Variants in GLB1L3 observed in about 807,000 individuals in gnomAD.
The protein encoded by GLB1L3 is galactosidase beta 1 like 3.
In GLB1L3, 89 loss-of-function variants were observed where a neutral mutation model predicts 89.5. That is an observed-to-expected ratio of 0.99 (90% CI 0.84 to 1.19). The LOEUF is 1.19. Ranked by LOEUF, GLB1L3 falls within the 50% of genes most tolerant of loss-of-function variation. The pLI, the probability that GLB1L3 is intolerant of heterozygous loss-of-function variation, is 0.00. For missense variants in GLB1L3, 812 were observed against 813.3 expected, an observed-to-expected ratio of 1.00 and a Z score of 0.02; for synonymous variants, 314 against 312.3, an observed-to-expected ratio of 1.01 and a Z score of -0.06.
chr11:134,312,493 G>T lies in GLB1L3; in HGVS notation c.1428+4G>T, dbSNP rs780409145. The T allele has an allele frequency of 1.9e-6, 3 of 1,610,600 alleles. No individual in the cohort carries two copies. The South Asian group carries it at 3.3e-5, about 18-fold the overall frequency. ...CCACGCTCATGACGTGGCACAGGTA[G>T]GGCCAGCAGGCTGTCTGTGTGGGAA... On this transcript the variant is annotated splice_donor_region_variant and intron_variant, in intron 14 of 19. Coordinates refer to ENST00000431683, the MANE Select transcript of GLB1L3 (RefSeq NM_001080407.3).
At chr11:134,293,325 T>C in intron 9 of GLB1L3, 116 bp downstream of exon 9, 1 of 855,642 alleles carries the variant, frequency 1.2e-6, no homozygotes, top group Non-Finnish European at 1.8e-6. Flanking sequence ...GTTTTCACCC[T>C]GGGTCCTCGG....
the GLB1L3 span, among the ~76,000 whole-genome samples, chr11:134,325,005 T>A: frequency 6.6e-6 from 1 of 152,182 alleles, no homozygotes; most frequent in Non-Finnish European, 1.5e-5. Context: ...AAAGAGGATA[T>A]CATATTCTTC....
chr11:134,285,065 A>T (rs1324379941), intron 6 of GLB1L3, among the ~76,000 whole-genome samples: 2 of 151,350 alleles, frequency 1.3e-5, no homozygotes, highest in South Asian at 2.1e-4. Flanking sequence ...AGTAGCTGGG[A>T]CTACAGGTGC....
intron 9 of GLB1L3, among the ~76,000 whole-genome samples, chr11:134,304,415 A>G (rs576219707): frequency 6.6e-6 from 1 of 152,146 alleles, no homozygotes; most frequent in Non-Finnish European, 1.5e-5. Flanking sequence ...ATGTTAAAAA[A>G]TTTTTTTATT....
At chr11:134,288,053 G>A (rs1941120368) in intron 6 of GLB1L3, among the ~76,000 whole-genome samples, 1 of 152,188 alleles carries the variant, frequency 6.6e-6, no homozygotes, top group African/African-American at 2.4e-5. Flanking sequence ...CCAAGGAGAA[G>A]GAAATGCATC....
chr11:134,288,182 G>A (rs1044322031), intron 6 of GLB1L3, among the ~76,000 whole-genome samples: 1 of 152,348 alleles, frequency 6.6e-6, no homozygotes, highest in Non-Finnish European at 1.5e-5. Context: ...AAGGGAGTTT[G>A]AGGAGTGAGT....
chr11:134,290,610 G>T (rs11500922), intron 7 of GLB1L3, among the ~76,000 whole-genome samples: 1 of 140,442 alleles, frequency 7.1e-6, no homozygotes, highest in Non-Finnish European at 1.5e-5. Flanking sequence ...AAAAGAAAAA[G>T]AAAAAAAAAC....
Position 134,288,862 on chromosome 11 carries a change from A to T in GLB1L3, c.701A>T (p.Asp234Val). The T allele has an allele frequency of 6.2e-7, 1 of 1,613,026 alleles. No individual in the cohort carries two copies. Among genetic ancestry groups the T allele is most frequent in the Non-Finnish European group, 8.5e-7 (1 of 1,179,450 alleles). The change falls in exon 7 of 20, where the codon GAT (aspartate) becomes GTT (valine). Residue 234 changes from aspartate (D) to valine (V), a missense_variant. By Grantham distance (152) the Asp-to-Val change is radical (BLOSUM62 -3). Around this residue, in one of 3 missense-constraint regions of GLB1L3, gnomAD observed 618 missense variants for 604.0 expected, o/e 1.02. Transcript: ENST00000431683. ...VENEYGSFNK[D>V]KTYMPYLHKA... ...AATGAGTATGGCTCATTCAATAAGG[A>T]TAAAACATACATGCCGTATCTCCAC...
Position 134,305,064 on chromosome 11 carries a change from G to A in GLB1L3, c.877-2060G>A, listed in dbSNP as rs1009245331. On this transcript the variant is annotated intron_variant, in intron 9 of 19. Coordinates refer to ENST00000431683, the MANE Select transcript of GLB1L3 (RefSeq NM_001080407.3). ...CTTAGTGGCACAATGCTGTAGGCAG[G>A]GATGAATTCTTATCTTTACCCATCT... The A allele has an allele frequency of 2.6e-6, 4 of 1,543,824 alleles. No homozygotes were observed. The African/African-American group carries it at 4.1e-5, about 16-fold the overall frequency.
chr11:134,301,286 G>T (rs1311568784), intron 9 of GLB1L3, among the ~76,000 whole-genome samples: 1 of 152,134 alleles, frequency 6.6e-6, no homozygotes, highest in Non-Finnish European at 1.5e-5. Context: ...TCGCTGTGAG[G>T]ATGGGATTTA....
At chr11:134,298,923 C>G (rs901270318) in intron 9 of GLB1L3, among the ~76,000 whole-genome samples, 18 of 152,278 alleles carry the variant, frequency 1.2e-4, no homozygotes, top group African/African-American at 4.1e-4. Flanking sequence ...GCTCTCTCAC[C>G]TTCTGCAATT....
In GLB1L3 at chr11:134,309,772, C is replaced by G; in HGVS notation, c.1099+9C>G. 6.2e-7 allele frequency: 1 copy of G among 1,612,118 alleles called. No individual in the cohort carries two copies. The highest frequency in any genetic ancestry group is 2.2e-5 in the East Asian group (1 of 44,848). Reference sequence around the variant, plus strand: ...CATTGTCACCAGCTATGGCAAGTGTCGCTGGTGTAGTAGCCTCTCCAGCAT... The same window carrying G: ...CATTGTCACCAGCTATGGCAAGTGTGGCTGGTGTAGTAGCCTCTCCAGCAT... On this transcript the variant is annotated intron_variant, in intron 11 of 19. Transcript: ENST00000431683.
intron 6 of GLB1L3, among the ~76,000 whole-genome samples, chr11:134,284,086 G>A (rs527401736): frequency 1.3e-5 from 2 of 152,288 alleles, no homozygotes; most frequent in South Asian, 4.1e-4. Flanking sequence ...GGGACTGGTT[G>A]TCCACATGAA....
intron 5 of GLB1L3, 25 bp from the exon 6 acceptor site, chr11:134,283,712 C>T (rs764936397): frequency 1.4e-6 from 2 of 1,445,874 alleles, no homozygotes; most frequent in Non-Finnish European, 9.7e-7. Context: ...GTCTCAGACC[C>T]TGAGCCCGCC....
chr11:134,297,567 A>G (rs927297957), intron 9 of GLB1L3, among the ~76,000 whole-genome samples: 1 of 152,104 alleles, frequency 6.6e-6, no homozygotes, highest in Admixed American at 6.5e-5. Flanking sequence ...TTGACTTAGA[A>G]TTTAAAATAT....
chr11:134,315,529 AG>A (rs1942941763), intron 18 of GLB1L3, among the ~76,000 whole-genome samples: 1 of 152,202 alleles, frequency 6.6e-6, no homozygotes. Flanking sequence ...TTTCTTTTAA[AG>A]TTAGCTTTGA....
chr11:134,308,375 C>T (rs141789487), intron 10 of GLB1L3, among the ~76,000 whole-genome samples: 1 of 65,056 alleles, frequency 1.5e-5, no homozygotes, highest in Non-Finnish European at 2.9e-5. Context: ...CCACCACCAC[C>T]ACCATCACCA....
intron 9 of GLB1L3, 29 bp from the exon 10 acceptor site, chr11:134,307,095 A>C: frequency 1.9e-6 from 3 of 1,564,772 alleles, no homozygotes; most frequent in Non-Finnish European, 2.6e-6. Flanking sequence ...TTTTTGCCAG[A>C]CTTAGTATTT....
At chr11:134,295,149 C>T (rs1268565118) in intron 9 of GLB1L3, among the ~76,000 whole-genome samples, 1 of 152,144 alleles carries the variant, frequency 6.6e-6, no homozygotes, top group African/African-American at 2.4e-5. Flanking sequence ...TGGAAGGATG[C>T]TCTCCTTTTC....
Sources: allele counts gnomAD v4.1 joint callset (sites outside exome capture counted in the v4.1 genomes callset), GRCh38; gene constraint gnomAD v4.1.1; regional missense constraint gnomAD v4.1.1; transcripts MANE v1.5; gene names NCBI Gene and HGNC (gene_info 2026-07-23, HGNC 2026-07-21).